The following LOXL1 variants were observed in gnomAD, a reference collection of about 807,000 sequenced individuals.
The protein encoded by LOXL1 is lysyl oxidase like 1.
A neutral mutation model predicts 62.2 loss-of-function variants in LOXL1; 31 were observed. That is an observed-to-expected ratio of 0.50 (90% confidence interval 0.37 to 0.67). The LOEUF (loss-of-function observed/expected upper bound fraction) is 0.67. LOXL1 is among the 30% of genes least tolerant of loss of function. The probability of loss-of-function intolerance (pLI) is 0.00; values close to 1 mark genes in which losing one functional copy is unlikely to be tolerated. For missense variants in LOXL1, 775 were observed against 843.4 expected (o/e 0.92, Z 1.00); for synonymous variants, 403 against 384.4 (o/e 1.05, Z -0.56).
At chr15:73,947,249 G>C in intron 4 of LOXL1, 26 bp downstream of exon 4, 1 of 1,575,738 alleles carries the variant, frequency 6.3e-7, no homozygotes, top group Non-Finnish European at 8.7e-7. Context: ...TGGGGTTTGG[G>C]GCATGGGAGG....
At chr15:73,949,957 G>A (rs915350047) in intron 6 of LOXL1, among the ~76,000 whole-genome samples, 1 of 152,180 alleles carries the variant, frequency 6.6e-6, no homozygotes, top group East Asian at 1.9e-4. Context: ...TTTCCACATA[G>A]GCTGGCAATG....
Position 73,946,542 on chromosome 15 carries a change from A to C in LOXL1, c.1337A>C (p.His446Pro). ...PNRPRHTWEW[H>P]SCHQHYHSMD... ...CGGCCACGGCACACCTGGGAGTGGC[A>C]CAGCTGCCACCAGTGAGTGGGGAGG... The change falls in exon 3 of 7, where the codon CAC (histidine) becomes CCC (proline). Residue 446 changes from histidine (H) to proline (P), a missense_variant. Physicochemically the swap from His to Pro is moderately conservative, Grantham distance 77. Transcript: ENST00000261921. 6.2e-7 allele frequency: 1 copy of C among 1,606,546 alleles called. No homozygotes were observed. The highest frequency in any genetic ancestry group is 8.5e-7 in the Non-Finnish European group (1 of 1,176,798).
chr15:73,935,268 A>C (rs550588535), intron 1 of LOXL1, among the ~76,000 whole-genome samples: 4 of 152,276 alleles, frequency 2.6e-5, no homozygotes, highest in South Asian at 4.1e-4. Flanking sequence ...GAAGAGTGGT[A>C]GCAATGGAGG....
In LOXL1 at chr15:73,927,536, C is replaced by T; in HGVS notation, c.753C>T (p.Phe251=). 1 of 1,497,530 alleles carries T rather than the reference C, an allele frequency of 6.7e-7. No individual in the cohort carries two copies. The highest frequency in any genetic ancestry group is 2.8e-5 in the East Asian group (1 of 36,082). 92.8% of individuals were successfully genotyped at this position (1,497,530 alleles called of 1,614,324 possible). ...TGCCCGAGTACCCGCCTCAGGGCTT[C>T]TACCCGGCCCCCGAGAGGCCCTACG... The part of the protein sequence containing the change: ...EELPEYPPQG[F]YPAPERPYVP... Residue 251 remains phenylalanine, a synonymous_variant, in exon 1 of 7, where the codon TTC becomes TTT. Coordinates refer to ENST00000261921, the MANE Select transcript of LOXL1 (RefSeq NM_005576.4).
In LOXL1 at chr15:73,947,110, G is replaced by A. The variant is rs1253660336; in HGVS notation, c.1393G>A (p.Asp465Asn). The A allele has an allele frequency of 6.2e-7, 1 of 1,613,510 alleles. No homozygotes were observed. Among genetic ancestry groups the A allele is most frequent in the Non-Finnish European group, 8.5e-7 (1 of 1,179,494 alleles). Residue 465 changes from aspartate to asparagine, a missense_variant, in exon 4 of 7, where the codon GAT (aspartate) becomes AAT (asparagine). Physicochemically the swap from Asp to Asn is conservative, Grantham distance 23. Coordinates refer to ENST00000261921, the MANE Select transcript of LOXL1 (RefSeq NM_005576.4). Reference protein sequence around the residue: ...MDEFSHYDLLDAATGKKVAEG... With the variant: ...MDEFSHYDLLNAATGKKVAEG... ...CGAGTTCAGCCACTACGACCTACTG[G>A]ATGCAGCCACAGGCAAGAAGGTGGC...
chr15:73,931,202 C>T (rs993834886), intron 1 of LOXL1, among the ~76,000 whole-genome samples: 2 of 152,100 alleles, frequency 1.3e-5, no homozygotes, highest in Admixed American at 1.3e-4. Context: ...ATGGAACAGG[C>T]AGCCCTGGGC....
At chr15:73,950,941 G>T (rs1159100211) in intron 6 of LOXL1, among the ~76,000 whole-genome samples, 2 of 152,240 alleles carry the variant, frequency 1.3e-5, no homozygotes, top group African/African-American at 4.8e-5. Context: ...CACACAGCAT[G>T]TTTGAAAGGA....
At chr15:73,936,405 T>G (rs1163702113) in intron 1 of LOXL1, among the ~76,000 whole-genome samples, 3 of 152,174 alleles carry the variant, frequency 2.0e-5, no homozygotes, top group East Asian at 1.9e-4. Context: ...CCTCTCTGGC[T>G]CATCTTTATT....
At chr15:73,943,074 C>G in intron 2 of LOXL1, 112 bp downstream of exon 2, 1 of 806,254 alleles carries the variant, frequency 1.2e-6, no homozygotes, top group South Asian at 1.5e-5. Context: ...TGACCCTGGC[C>G]AAGTGCCCCA....
chr15:73,938,275 GTATCTATC>G (rs138576407), intron 1 of LOXL1, among the ~76,000 whole-genome samples: 29 of 140,724 alleles, frequency 2.1e-4, no homozygotes, highest in African/African-American at 4.0e-4. Context: ...GCTAGACTCC[GTATCTATC>G]TATCTATCTA....
At chr15:73,929,415 C>T (rs1458210430) in intron 1 of LOXL1, among the ~76,000 whole-genome samples, 1 of 152,244 alleles carries the variant, frequency 6.6e-6, no homozygotes, top group Non-Finnish European at 1.5e-5. Flanking sequence ...TGTCTCCAGC[C>T]AAGCTGACCT....
intron 1 of LOXL1, among the ~76,000 whole-genome samples, chr15:73,934,120 C>T (rs898580699): frequency 1.3e-5 from 2 of 152,224 alleles, no homozygotes; most frequent in African/African-American, 2.4e-5. Context: ...CAAGAGACAA[C>T]CCATCCTTCC....
Position 73,927,735 on chromosome 15 carries a change from C to A in LOXL1, c.952C>A (p.Pro318Thr). Residue 318 changes from proline (P) to threonine (T), a missense_variant, in exon 1 of 7, where the codon CCC becomes ACC. Physicochemically the swap from Pro to Thr is conservative, Grantham distance 38. Transcript: ENST00000261921. ...GWYPPYANPP[P>T]EAYGPPRALE... ...GTACCCGCCCTACGCCAACCCGCCG[C>A]CCGAGGCGTACGGGCCGCCGCGCGC... 6.8e-7 allele frequency: 1 copy of A among 1,461,584 alleles called. No individual in the cohort carries two copies. The highest frequency in any genetic ancestry group is 9.0e-7 in the Non-Finnish European group (1 of 1,113,362). The allele number at this position is 1,461,584 out of a possible 1,614,324, so 90.5% of individuals were successfully genotyped here.
chr15:73,926,691 C>T lies in LOXL1; in HGVS notation c.-93C>T. 1 of 1,315,896 alleles carries T rather than the reference C, an allele frequency of 7.6e-7. No homozygotes were observed. Among genetic ancestry groups the T allele is most frequent in the Non-Finnish European group, 9.8e-7 (1 of 1,018,534 alleles). The allele number at this position is 1,315,896 out of a possible 1,614,324, so 81.5% of individuals were successfully genotyped here. ...GCTAGAGCTGGGGCAAGCAAGGAGCCTTCCTGTCCTCGAGGCCGTGGGAAG... is the reference window on the plus strand; with the variant it reads ...GCTAGAGCTGGGGCAAGCAAGGAGCTTTCCTGTCCTCGAGGCCGTGGGAAG... On this transcript the variant is annotated 5_prime_UTR_variant, in exon 1 of 7. Coordinates refer to ENST00000261921, the MANE Select transcript of LOXL1 (RefSeq NM_005576.4).
At position 73,951,746 on chromosome 15, in the gene LOXL1, G is replaced by A. The variant is rs2068788698; in HGVS notation, c.1719-85G>A. 7 of 1,270,590 alleles carry A rather than the reference G, an allele frequency of 5.5e-6. 1 individual carries two copies. The South Asian group carries it at 9.8e-5, about 18-fold the overall frequency. The allele number at this position is 1,270,590 out of a possible 1,614,324, so 78.7% of individuals were successfully genotyped here. A position where few individuals can be genotyped will look rare whatever the true frequency, so the allele number is the denominator to read the frequency against. ...TGCCTGCCCTGCCACGAGGGATCTG[G>A]GCTGTGGGAGGGACGCCCTGGCTGA... On this transcript the variant is annotated intron_variant, in intron 6 of 6. Transcript: ENST00000261921.
Position 73,946,120 on chromosome 15 carries a change from G to C in LOXL1, c.1212-297G>C, listed in dbSNP as rs535217434. Among the ~76,000 whole-genome samples the C allele has an allele frequency of 2.0e-5, 3 of 152,314 alleles. No homozygotes were observed. The South Asian group carries it at 6.2e-4, about 32-fold the overall frequency. On this transcript the variant is annotated intron_variant, in intron 2 of 6. Coordinates refer to ENST00000261921, the MANE Select transcript of LOXL1 (RefSeq NM_005576.4). Reference sequence around the variant, plus strand: ...CTGACCCCAGCTGAGTCACCTGCAGGTATCAGGGACACTGCCATGCTTGGT... The same window carrying C: ...CTGACCCCAGCTGAGTCACCTGCAGCTATCAGGGACACTGCCATGCTTGGT...
chr15:73,947,338 C>T (rs2068755361), intron 4 of LOXL1, 115 bp downstream of exon 4: 1 of 1,195,892 alleles, frequency 8.4e-7, no homozygotes. Flanking sequence ...CAGCTCTGCT[C>T]ACAGTGAAGG....
In LOXL1 at chr15:73,947,856, A is replaced by G. The variant is rs1595849264; in HGVS notation, c.1556A>G (p.Gln519Arg). 1.2e-6 allele frequency: 2 copies of G among 1,613,880 alleles called. No homozygotes were observed. The highest frequency in any genetic ancestry group is 2.7e-5 in the African/African-American group (2 of 74,928). ...ACCTACAATGCGGACATCGACTGCC[A>G]GTGGATCGACATAACCGACGTGCAG... Reference protein sequence around the residue: ...YDTYNADIDCQWIDITDVQPG... With the variant: ...YDTYNADIDCRWIDITDVQPG... The change falls in exon 5 of 7, where the codon CAG becomes CGG. Residue 519 changes from glutamine (Q) to arginine (R), a missense_variant. Physicochemically the swap from Gln to Arg is conservative, Grantham distance 43. Transcript: ENST00000261921.
Position 73,942,971 on chromosome 15 carries a change from C to G in LOXL1, c.1211+9C>G. On this transcript the variant is annotated intron_variant, in intron 2 of 6. Transcript: ENST00000261921. The stretch of plus-strand genomic sequence containing the variant: ...GAGAAGTGTCTGGCCAGGTAAGGAG[C>G]TGAGGCAGAAGTGTAGAGTGTTGGG... 1 of 1,604,464 alleles carries G rather than the reference C, an allele frequency of 6.2e-7. No homozygotes were observed. Among genetic ancestry groups the G allele is most frequent in the Non-Finnish European group, 8.5e-7 (1 of 1,171,426 alleles).
Sources: allele counts gnomAD v4.1 joint callset (sites outside exome capture counted in the v4.1 genomes callset), GRCh38; gene constraint gnomAD v4.1.1; transcripts MANE v1.5; gene names NCBI Gene and HGNC (gene_info 2026-07-23, HGNC 2026-07-21).